The following CCDC171 variants were observed in gnomAD, a reference collection of about 807,000 sequenced individuals.
CCDC171 encodes coiled-coil domain containing 171.
Under a neutral mutation model 168.2 loss-of-function variants are expected in CCDC171, and 177 were observed. The ratio of observed to expected loss-of-function variants is 1.05; its 90% confidence interval spans 0.93 to 1.19. The LOEUF (loss-of-function observed/expected upper bound fraction) is 1.19. CCDC171 is among the 50% of genes most tolerant of loss of function. The pLI is 0.00. For missense variants in CCDC171, 1,991 were observed against 1,539.0 expected, an observed-to-expected ratio of 1.29 and a Z score of -4.91; for synonymous variants, 687 against 540.8, an observed-to-expected ratio of 1.27 and a Z score of -3.75.
intron 11 of CCDC171, among the ~76,000 whole-genome samples, chr9:15,717,576 C>A (rs752983311): frequency 6.6e-4 from 100 of 152,190 alleles, no homozygotes; most frequent in Non-Finnish European, 1.2e-3. Flanking sequence ...GAAAGAGACC[C>A]CTTCTTTCTG....
At chr9:15,707,613 C>T (rs1014207109) in intron 11 of CCDC171, among the ~76,000 whole-genome samples, 5 of 152,146 alleles carry the variant, frequency 3.3e-5, no homozygotes, top group Admixed American at 6.5e-5. Context: ...AGTTATATCT[C>T]AACTTCATAG....
chr9:15,894,651 A>G (rs1276686543), intron 24 of CCDC171, among the ~76,000 whole-genome samples: 4 of 151,966 alleles, frequency 2.6e-5, no homozygotes, highest in African/African-American at 9.7e-5. Context: ...ACTTGAACAC[A>G]GTGCACATAG....
intron 1 of CCDC171, among the ~76,000 whole-genome samples, chr9:16,053,701 A>C (rs1449324800): frequency 6.6e-6 from 1 of 152,238 alleles, no homozygotes; most frequent in African/African-American, 2.4e-5. Flanking sequence ...CAAAGGCTGC[A>C]GTGTGGGGCC....
downstream of CCDC171, among the ~76,000 whole-genome samples, chr9:16,061,863 C>T (rs534186082): frequency 3.9e-5 from 6 of 152,190 alleles, no homozygotes; most frequent in South Asian, 6.2e-4. Context: ...AGTGGTGTGC[C>T]GGCAAACAGG....
chr9:15,581,040 T>G (rs944458502), intron 4 of CCDC171, among the ~76,000 whole-genome samples: 6 of 152,190 alleles, frequency 3.9e-5, no homozygotes, highest in Non-Finnish European at 7.3e-5. Flanking sequence ...CCCCATCATC[T>G]CAGCCCAAAA....
chr9:15,827,438 C>T (rs902391034), intron 21 of CCDC171, among the ~76,000 whole-genome samples: 3 of 152,206 alleles, frequency 2.0e-5, no homozygotes, highest in African/African-American at 7.2e-5. Flanking sequence ...CTCCTACATA[C>T]ACTCTAGGTT....
chr9:15,851,666 T>A (rs2061134143), intron 23 of CCDC171, among the ~76,000 whole-genome samples: 1 of 151,880 alleles, frequency 6.6e-6, no homozygotes, highest in Non-Finnish European at 1.5e-5. Flanking sequence ...TGTGCACCCA[T>A]CACAACTAAT....
At chr9:15,608,603 G>A (rs962682270) in intron 6 of CCDC171, among the ~76,000 whole-genome samples, 7 of 151,924 alleles carry the variant, frequency 4.6e-5, no homozygotes, top group African/African-American at 1.5e-4. Flanking sequence ...TGAAGTGCCA[G>A]CTTATATTTT....
chr9:16,000,388 A>G (rs1832505466), intron 3 of CCDC171, among the ~76,000 whole-genome samples: 1 of 152,250 alleles, frequency 6.6e-6, no homozygotes, highest in Non-Finnish European at 1.5e-5. Context: ...AACTGCCCAA[A>G]TGAGTTGGAT....
intron 3 of CCDC171, among the ~76,000 whole-genome samples, chr9:15,985,625 T>C (rs1304211329): frequency 6.6e-6 from 1 of 152,218 alleles, no homozygotes; most frequent in Non-Finnish European, 1.5e-5. Context: ...TCTTCAACTT[T>C]CCAACTTTTG....
intron 19 of CCDC171, among the ~76,000 whole-genome samples, chr9:15,778,035 C>T (rs368391633): frequency 4.0e-4 from 57 of 142,310 alleles, no homozygotes; most frequent in East Asian, 2.2e-3. Flanking sequence ...CGGTGGCTCA[C>T]GCCTGTAATC....
chr9:15,861,558 G>C (rs1308642453), intron 23 of CCDC171, among the ~76,000 whole-genome samples: 2 of 151,058 alleles, frequency 1.3e-5, no homozygotes, highest in Non-Finnish European at 3.0e-5. Flanking sequence ...GTTACCCTGG[G>C]GCTTATATAA....
At chr9:15,931,776 C>G (rs3008681) in intron 25 of CCDC171, among the ~76,000 whole-genome samples, 79,543 of 151,362 alleles carry the variant, frequency 0.53, 22,250 homozygotes, top group African/African-American at 0.73. Flanking sequence ...AGTCTATTAC[C>G]TATTTTGAGT....
intron 25 of CCDC171, among the ~76,000 whole-genome samples, chr9:15,939,682 A>G (rs1264593241): frequency 6.6e-6 from 1 of 151,868 alleles, no homozygotes; most frequent in African/African-American, 2.4e-5. Flanking sequence ...CACTTCCCCG[A>G]GCAGAATAAC....
At chr9:15,830,316 A>G (rs2060176649) in intron 21 of CCDC171, among the ~76,000 whole-genome samples, 1 of 152,240 alleles carries the variant, frequency 6.6e-6, no homozygotes, top group African/African-American at 2.4e-5. Flanking sequence ...TTTACATGTT[A>G]TAACCAGCAG....
At chr9:15,699,312 C>T (rs1043256943) in intron 11 of CCDC171, among the ~76,000 whole-genome samples, 3 of 151,880 alleles carry the variant, frequency 2.0e-5, no homozygotes, top group South Asian at 4.2e-4. Flanking sequence ...TGCAGACCTT[C>T]GCGGTGAGTG....
chr9:16,093,158 C>G, the CCDC171 span, among the ~76,000 whole-genome samples: 1 of 152,222 alleles, frequency 6.6e-6, no homozygotes, highest in East Asian at 1.9e-4. Context: ...AAATAAGGGA[C>G]CTGCAAAGGT....
At chr9:15,586,558 G>A (rs576312925) in intron 4 of CCDC171, among the ~76,000 whole-genome samples, 1 of 152,320 alleles carries the variant, frequency 6.6e-6, no homozygotes, top group South Asian at 2.1e-4. Context: ...TTGGAATTAT[G>A]TATGGGAGTA....
intron 3 of CCDC171, among the ~76,000 whole-genome samples, chr9:15,991,600 A>G (rs1832202383): frequency 2.0e-5 from 3 of 152,220 alleles, no homozygotes. Context: ...TGAAGGAGAT[A>G]CAGACACAAA....
Sources: gnomAD v4.1 joint callset for allele counts (sites outside exome capture counted in the v4.1 genomes callset) on GRCh38, gnomAD v4.1.1 for gene constraint, MANE v1.5 for transcripts, NCBI Gene and HGNC (gene_info 2026-07-23, HGNC 2026-07-21) for gene names.